ANKFN1: variants seen among roughly 807,000 people sequenced by gnomAD.
The protein encoded by ANKFN1 is ankyrin repeat and fibronectin type III domain containing 1.
In ANKFN1, 74 loss-of-function variants were observed where a neutral mutation model predicts 108.7. That is an observed-to-expected ratio of 0.68 (90% CI 0.56 to 0.83). The LOEUF (loss-of-function observed/expected upper bound fraction) is 0.83, where lower values mean the gene tolerates loss of function less well. Among genes scored for constraint, ANKFN1 ranks in the 40% least tolerant of loss-of-function variants. ANKFN1 has a pLI of 0.00. For synonymous variants in ANKFN1, 547 were observed against 516.2 expected (o/e 1.06, Z -0.81); for missense variants, 1,505 against 1,382.3 (o/e 1.09, Z -1.41).
At position 56,326,344 on chromosome 17, in the gene ANKFN1, C is replaced by G; in HGVS notation, c.177C>G (p.Asn59Lys). The G allele has an allele frequency of 6.2e-7, 1 of 1,611,562 alleles. No individual in the cohort carries two copies. Among genetic ancestry groups the G allele is most frequent in the Non-Finnish European group, 8.5e-7 (1 of 1,179,196 alleles). Residue 59 changes from asparagine (N) to lysine (K), a missense_variant, in exon 4 of 21, where the codon AAC (asparagine) becomes AAG (lysine). Physicochemically the swap from Asn to Lys is moderately conservative, Grantham distance 94 (BLOSUM62 0). Transcript: ENST00000682825. The part of the protein sequence containing the change: ...LPTTCSSAAS[N>K]SINWNCRVKM... The stretch of plus-strand genomic sequence containing the variant: ...CAACTTGTTCCTCTGCTGCCTCGAA[C>G]AGCATAAACTGGTAAGTCAAATTTA...
At chr17:56,137,702 T>C (rs1907678578) in intron 4 of ANKFN1, among the ~76,000 whole-genome samples, 1 of 152,160 alleles carries the variant, frequency 6.6e-6, no homozygotes, top group Non-Finnish European at 1.5e-5. Context: ...GAATCAAAAG[T>C]TCTGTTTTGG....
intron 1 of ANKFN1, among the ~76,000 whole-genome samples, chr17:56,207,474 A>G (rs1199793371): frequency 6.6e-6 from 1 of 152,150 alleles, no homozygotes; most frequent in Non-Finnish European, 1.5e-5. Flanking sequence ...TAGGCATTCC[A>G]TCCTCTACCA....
chr17:56,467,089 C>T (rs1417263638), intron 15 of ANKFN1, among the ~76,000 whole-genome samples: 1 of 152,008 alleles, frequency 6.6e-6, no homozygotes, highest in African/African-American at 2.4e-5. Flanking sequence ...GCCCTCCAGC[C>T]TGGACAACAG....
At chr17:56,092,319 GAGTGC>G (rs1219579248) in intron 4 of ANKFN1, among the ~76,000 whole-genome samples, 2 of 145,594 alleles carry the variant, frequency 1.4e-5, no homozygotes, top group Non-Finnish European at 3.0e-5. Context: ...ACCCAGGCTG[GAGTGC>G]AGTGCAGTGG....
At chr17:56,320,080 G>A (rs1202298445) in intron 3 of ANKFN1, among the ~76,000 whole-genome samples, 1 of 152,144 alleles carries the variant, frequency 6.6e-6, no homozygotes, top group East Asian at 1.9e-4. Context: ...TTTCCTCATC[G>A]ATAAAAAGTG....
intron 1 of ANKFN1, among the ~76,000 whole-genome samples, chr17:56,156,167 C>T (rs1034341807): frequency 1.6e-4 from 24 of 151,788 alleles, no homozygotes; most frequent in African/African-American, 5.8e-4. Context: ...ACAACCTCCA[C>T]CTCCAGAGTT....
intron 11 of ANKFN1, among the ~76,000 whole-genome samples, chr17:56,450,778 G>A (rs2049456229): frequency 6.6e-6 from 1 of 152,064 alleles, no homozygotes; most frequent in Non-Finnish European, 1.5e-5. Flanking sequence ...TTGATCAGAG[G>A]GGGAAAAGCT....
At chr17:56,468,378 A>G (rs936694445) in intron 15 of ANKFN1, among the ~76,000 whole-genome samples, 3 of 151,740 alleles carry the variant, frequency 2.0e-5, no homozygotes, top group African/African-American at 7.3e-5. Flanking sequence ...TGCCTCACAC[A>G]TTCTTTTGTG....
intron 4 of ANKFN1, among the ~76,000 whole-genome samples, chr17:56,343,608 G>A (rs528193800): frequency 1.5e-3 from 234 of 151,756 alleles, no homozygotes; most frequent in Admixed American, 2.9e-3. Flanking sequence ...AATGTTCATT[G>A]AGCCTGTTGA....
intron 3 of ANKFN1, among the ~76,000 whole-genome samples, chr17:56,296,686 A>AAAAC (rs1027303153): frequency 5.9e-5 from 9 of 152,266 alleles, no homozygotes; most frequent in East Asian, 3.9e-4. Context: ...TCCGTCTCAA[A>AAAAC]AAACAAACAA....
At chr17:56,459,364 GC>G (rs2049827455) in intron 14 of ANKFN1, among the ~76,000 whole-genome samples, 1 of 152,144 alleles carries the variant, frequency 6.6e-6, no homozygotes. Context: ...ACCTGCCTCG[GC>G]CTCCCAAAGT....
At position 56,516,716 on chromosome 17, in the gene ANKFN1, G is replaced by A. The variant is rs535004808; in HGVS notation, c.*5447G>A. On this transcript the variant is annotated 3_prime_UTR_variant, in exon 21 of 21. Coordinates refer to ENST00000682825, the MANE Select transcript of ANKFN1 (RefSeq NM_001370326.1). The stretch of plus-strand genomic sequence containing the variant: ...TTTATAAGAGGTCAGGGATAAATGA[G>A]AATTAAGTTAATTTTTCTAATGGCA... Among the ~76,000 whole-genome samples the A allele has an allele frequency of 4.6e-5, 7 of 152,248 alleles. No homozygotes were observed. The highest frequency in any genetic ancestry group is 1.7e-4 in the African/African-American group (7 of 41,532).
intron 5 of ANKFN1, 50 bp downstream of exon 5, chr17:56,351,017 T>C (rs1226970521): frequency 6.4e-7 from 1 of 1,572,734 alleles, no homozygotes; most frequent in East Asian, 2.3e-5. Context: ...TTCATTTATG[T>C]TTGGGTTTAA....
intron 3 of ANKFN1, among the ~76,000 whole-genome samples, chr17:56,318,969 T>C (rs181428604): frequency 2.6e-5 from 4 of 152,276 alleles, no homozygotes; most frequent in Admixed American, 6.5e-5. Flanking sequence ...TTCTCCTAAG[T>C]GGACTCCTGT....
At chr17:56,263,915 C>A (rs1044964840) in intron 3 of ANKFN1, among the ~76,000 whole-genome samples, 7 of 152,180 alleles carry the variant, frequency 4.6e-5, no homozygotes, top group Non-Finnish European at 1.5e-5. Flanking sequence ...GGCCAAGTAA[C>A]AATGGAAGTC....
chr17:56,100,538 C>T (rs749068326), intron 4 of ANKFN1, among the ~76,000 whole-genome samples: 10 of 152,102 alleles, frequency 6.6e-5, no homozygotes, highest in Non-Finnish European at 1.3e-4. Flanking sequence ...TATTTTATGA[C>T]GTATTAATTA....
intron 10 of ANKFN1, among the ~76,000 whole-genome samples, chr17:56,448,696 G>A (rs968355271): frequency 6.6e-6 from 1 of 152,182 alleles, no homozygotes. Flanking sequence ...TTCCTACTGT[G>A]AAAATCCAGT....
At chr17:56,496,502 A>T (rs932373294) in intron 19 of ANKFN1, among the ~76,000 whole-genome samples, 7 of 152,094 alleles carry the variant, frequency 4.6e-5, no homozygotes, top group Non-Finnish European at 8.8e-5. Context: ...TCTAGAGGAG[A>T]ATCTAGTCTC....
chr17:56,329,801 C>G lies in ANKFN1; in HGVS notation c.188+3446C>G, dbSNP rs151140684. On this transcript the variant is annotated intron_variant, in intron 4 of 20. Transcript: ENST00000682825. The stretch of plus-strand genomic sequence containing the variant: ...AAGGTGGTGGTATTAGGAACTGAGG[C>G]CTTCAAGAAGATATTAGGTCATAAG... 4.2e-3 allele frequency among the ~76,000 whole-genome samples: 645 copies of G among 152,248 alleles called. 28 individuals carry two copies. The South Asian group carries it at 0.1, about 24-fold the overall frequency.
Sources: allele counts gnomAD v4.1 joint callset (sites outside exome capture counted in the v4.1 genomes callset), GRCh38; gene constraint gnomAD v4.1.1; transcripts MANE v1.5; gene names NCBI Gene and HGNC (gene_info 2026-07-23, HGNC 2026-07-21).